The following MICU3 variants were observed in gnomAD, a reference collection of about 807,000 sequenced individuals.
MICU3 encodes calcium uptake protein 3, mitochondrial.
In MICU3, 62 loss-of-function variants were observed where a neutral mutation model predicts 66.5. That is an observed-to-expected ratio of 0.93 (90% CI 0.76 to 1.15). MICU3 has a LOEUF of 1.15. MICU3 is among the 50% of genes most tolerant of loss of function. MICU3 has a pLI of 0.00. For synonymous variants in MICU3, 308 were observed against 240.7 expected, an observed-to-expected ratio of 1.28 and a Z score of -2.59; for missense variants, 779 against 664.4, an observed-to-expected ratio of 1.17 and a Z score of -1.90.
At chr8:17,064,437 C>T (rs1818362292) in intron 2 of MICU3, among the ~76,000 whole-genome samples, 200 bp downstream of exon 2, 1 of 152,232 alleles carries the variant, frequency 6.6e-6, no homozygotes, top group South Asian at 2.1e-4. Context: ...CTTTCAATTG[C>T]TCCATCTTTC....
At position 17,120,990 on chromosome 8, in the gene MICU3, T is replaced by C. The variant is rs1039148964; in HGVS notation, c.*703T>C. 1.3e-5 allele frequency: 2 copies of C among 151,962 alleles called. No homozygotes were observed. The highest frequency in any genetic ancestry group is 2.9e-5 in the Non-Finnish European group (2 of 67,852). The allele number at this position is 151,962 out of a possible 1,614,324, so 9.4% of individuals were successfully genotyped here. ...GTTTTATGTATACGGTAAAGAAATTTAAAGTGTAGAATTTTCCTCCCCCAA... is the reference window on the plus strand; with the variant it reads ...GTTTTATGTATACGGTAAAGAAATTCAAAGTGTAGAATTTTCCTCCCCCAA... On this transcript the variant is annotated 3_prime_UTR_variant, in exon 15 of 15. Transcript: ENST00000318063.
intron 11 of MICU3, among the ~76,000 whole-genome samples, chr8:17,112,189 A>G (rs1288114177): frequency 6.6e-6 from 1 of 152,316 alleles, no homozygotes; most frequent in Non-Finnish European, 1.5e-5. Context: ...GAGCCAAACC[A>G]TATCAACATT....
intron 11 of MICU3, among the ~76,000 whole-genome samples, chr8:17,110,453 C>T (rs923561975): frequency 1.3e-5 from 2 of 152,136 alleles, no homozygotes; most frequent in Non-Finnish European, 2.9e-5. Context: ...GCAACCATCA[C>T]TCTGCTTTCT....
chr8:17,099,954 G>A (rs1801115992), intron 9 of MICU3, among the ~76,000 whole-genome samples: 2 of 151,766 alleles, frequency 1.3e-5, no homozygotes, highest in Admixed American at 1.3e-4. Flanking sequence ...TAAATCTTGG[G>A]AAGTTTAATA....
intron 1 of MICU3, among the ~76,000 whole-genome samples, chr8:17,060,296 C>CTTT (rs11345470): frequency 5.5e-5 from 8 of 145,556 alleles, no homozygotes; most frequent in Non-Finnish European, 1.1e-4. Flanking sequence ...AAACTGTTTA[C>CTTT]TTTTTTTTTT....
intron 3 of MICU3, among the ~76,000 whole-genome samples, chr8:17,072,938 G>A (rs1819823375): frequency 6.6e-6 from 1 of 152,220 alleles, no homozygotes; most frequent in South Asian, 2.1e-4. Context: ...CCAGGCTGGA[G>A]TGCAGTGAGT....
chr8:17,062,120 A>G (rs1457280185), intron 1 of MICU3, among the ~76,000 whole-genome samples: 1 of 152,098 alleles, frequency 6.6e-6, no homozygotes, highest in African/African-American at 2.4e-5. Context: ...CCATCCTTTT[A>G]CTACACTTCT....
At chr8:17,110,875 T>A (rs1428201558) in intron 11 of MICU3, among the ~76,000 whole-genome samples, 2 of 152,054 alleles carry the variant, frequency 1.3e-5, no homozygotes, top group Non-Finnish European at 2.9e-5. Flanking sequence ...CCATACCTGG[T>A]CTCATAGTGT....
chr8:17,055,399 A>G (rs376547850), intron 1 of MICU3, among the ~76,000 whole-genome samples: 4 of 152,136 alleles, frequency 2.6e-5, no homozygotes, highest in Admixed American at 1.3e-4. Flanking sequence ...TTAATATTCC[A>G]TGAGTCCCTG....
intron 1 of MICU3, among the ~76,000 whole-genome samples, chr8:17,056,251 A>G (rs1816909864): frequency 6.6e-6 from 1 of 152,116 alleles, no homozygotes. Flanking sequence ...TCTTCTTTGA[A>G]TAGTGGGCTT....
intron 2 of MICU3, among the ~76,000 whole-genome samples, chr8:17,064,595 G>A (rs1055404254): frequency 2.6e-5 from 4 of 152,078 alleles, no homozygotes; most frequent in East Asian, 1.9e-4. Flanking sequence ...TCTCTTCTGC[G>A]TTTGTCATAG....
Position 17,095,510 on chromosome 8 carries a change from A to C in MICU3, c.889-2948A>C, listed in dbSNP as rs569984290. ...GTTTGTCTGTGTTTAAATATCACTA[A>C]TAGCAAAAACAGTTTACTATCTGTT... is the stretch of plus-strand genomic sequence containing the variant. On this transcript the variant is annotated intron_variant, in intron 8 of 14. Coordinates refer to ENST00000318063, the MANE Select transcript of MICU3 (RefSeq NM_181723.3). Among the ~76,000 whole-genome samples, 6 of 151,918 alleles carry C rather than the reference A, an allele frequency of 3.9e-5. No homozygotes were observed. In the South Asian group the frequency reaches 6.2e-4, roughly 16 times the overall value.
chr8:17,084,070 A>G (rs116562001), intron 5 of MICU3, among the ~76,000 whole-genome samples: 134 of 152,212 alleles, frequency 8.8e-4, no homozygotes, highest in African/African-American at 3.0e-3. Context: ...GTTGAATTGA[A>G]TAATTATGGG....
intron 1 of MICU3, among the ~76,000 whole-genome samples, chr8:17,053,985 C>G (rs1327467013): frequency 2.6e-5 from 4 of 152,194 alleles, no homozygotes; most frequent in Non-Finnish European, 4.4e-5. Flanking sequence ...TGGCCTCACA[C>G]TTATAAATAA....
Position 17,098,425 on chromosome 8 carries a change from A to G in MICU3, c.889-33A>G, listed in dbSNP as rs371590005. 6 of 1,268,410 alleles carry G rather than the reference A, an allele frequency of 4.7e-6. No homozygotes were observed. In the African/African-American group the frequency reaches 8.8e-5, roughly 19 times the overall value. 78.6% of individuals were successfully genotyped at this position (1,268,410 alleles called of 1,614,324 possible). ...TTATCATTCTTTGTAACTATTCTTT[A>G]GATTTCAGTTGTGCTTCTTAAAACT... On this transcript the variant is annotated intron_variant, in intron 8 of 14. Coordinates refer to ENST00000318063, the MANE Select transcript of MICU3 (RefSeq NM_181723.3).
chr8:17,130,253 G>C, the MICU3 span, among the ~76,000 whole-genome samples: 1 of 152,126 alleles, frequency 6.6e-6, no homozygotes, highest in Non-Finnish European at 1.5e-5. Flanking sequence ...GACTAGGCGC[G>C]GTGGCTCACA....
chr8:17,057,554 A>T (rs983921836), intron 1 of MICU3, among the ~76,000 whole-genome samples: 2 of 152,320 alleles, frequency 1.3e-5, no homozygotes, highest in East Asian at 3.9e-4. Context: ...AATTATTGTT[A>T]CAATTAATAT....
chr8:17,112,161 G>T (rs145830825), intron 11 of MICU3, among the ~76,000 whole-genome samples: 2,054 of 152,248 alleles, frequency 0.013, 23 homozygotes, highest in Middle Eastern at 0.048. Flanking sequence ...TTTGAGATGA[G>T]ATTTGGGTGG....
chr8:17,080,065 T>C (rs1300198289), intron 4 of MICU3, among the ~76,000 whole-genome samples: 1 of 152,054 alleles, frequency 6.6e-6, no homozygotes, highest in Non-Finnish European at 1.5e-5. Flanking sequence ...GATCACACCA[T>C]TACTATATGC....
Sources: allele counts gnomAD v4.1 joint callset (sites outside exome capture counted in the v4.1 genomes callset), GRCh38; gene constraint gnomAD v4.1.1; transcripts MANE v1.5; gene names NCBI Gene and HGNC (gene_info 2026-07-23, HGNC 2026-07-21).